PFKP: variants seen among roughly 807,000 people sequenced by gnomAD.
PFKP encodes phosphofructokinase, platelet.
PFKP carries 101 observed loss-of-function variants against 94.3 expected under a neutral mutation model. That is an observed-to-expected ratio of 1.07 (90% CI 0.91 to 1.26). PFKP has a LOEUF of 1.26. Among genes scored for constraint, PFKP ranks in the 50% most tolerant of loss-of-function variants. The pLI is 0.00. For synonymous variants in PFKP, 573 were observed against 432.6 expected, an observed-to-expected ratio of 1.32 and a Z score of -4.03; for missense variants, 1,145 against 1,103.3, an observed-to-expected ratio of 1.04 and a Z score of -0.53.
At chr10:3,102,250 C>CAGAAAAAA (rs1835089417) in intron 4 of PFKP, among the ~76,000 whole-genome samples, 1 of 54,776 alleles carries the variant, frequency 1.8e-5, no homozygotes, top group Non-Finnish European at 3.4e-5. Context: ...GACTCTGTCT[C>CAGAAAAAA]AAAAAAAAAA....
At chr10:3,090,454 C>T (rs953128155) in intron 2 of PFKP, among the ~76,000 whole-genome samples, 5 of 152,166 alleles carry the variant, frequency 3.3e-5, no homozygotes, top group African/African-American at 1.2e-4. Flanking sequence ...AGGGATGAGA[C>T]GCGCATGCCT....
intron 21 of PFKP, 123 bp from the exon 22 acceptor site, chr10:3,136,327 A>T: frequency 1.1e-6 from 1 of 884,424 alleles, no homozygotes; most frequent in Non-Finnish European, 1.8e-6. Context: ...TTTATCATCT[A>T]GTTGATTCAG....
chr10:3,094,033 C>T (rs906173281), intron 2 of PFKP, among the ~76,000 whole-genome samples: 8 of 152,222 alleles, frequency 5.3e-5, no homozygotes, highest in African/African-American at 1.9e-4. Flanking sequence ...CCACCATTTA[C>T]ACCATTGCCT....
intron 16 of PFKP, chr10:3,125,040 G>T: frequency 1.7e-6 from 2 of 1,154,760 alleles, no homozygotes; most frequent in East Asian, 8.4e-5. Flanking sequence ...CACAGGCCCT[G>T]GGGCTGGCAG....
chr10:3,116,840 C>G lies in PFKP; in HGVS notation c.1436C>G (p.Thr479Arg), dbSNP rs1836876587. 2.5e-6 allele frequency: 4 copies of G among 1,607,882 alleles called. No individual in the cohort carries two copies. The highest frequency in any genetic ancestry group is 2.6e-6 in the Non-Finnish European group (3 of 1,174,328). The change falls in exon 14 of 22, where the codon ACA becomes AGA. Residue 479 changes from threonine to arginine, a missense_variant. Thr to Arg is a moderately conservative substitution (Grantham distance 71, BLOSUM62 -1). Around this residue, in one of 3 missense-constraint regions of PFKP, gnomAD observed 1,119 missense variants for 1,062.8 expected, o/e 1.05. Coordinates refer to ENST00000381125, the MANE Select transcript of PFKP (RefSeq NM_002627.5). ...WTGQGGSILG[T>R]KRVLPGKYLE... ...GGCCAAGGAGGCTCCATTCTTGGGA[C>G]AAAACGGTAACTTCCAAATCTCAAC...
chr10:3,094,792 G>A (rs926148574), intron 2 of PFKP, among the ~76,000 whole-genome samples: 2 of 152,174 alleles, frequency 1.3e-5, no homozygotes, highest in Non-Finnish European at 2.9e-5. Flanking sequence ...TTCTAAAAGT[G>A]AAATGCTTTA....
intron 11 of PFKP, 56 bp downstream of exon 11, chr10:3,112,342 A>G (rs2306304): frequency 0.54 from 716,774 of 1,327,298 alleles, 195,734 homozygotes; most frequent in Non-Finnish European, 0.57. Context: ...CCTCAGGCCC[A>G]GCCACTGCAA....
At chr10:3,125,320 G>T in intron 16 of PFKP, 2 of 1,038,318 alleles carry the variant, frequency 1.9e-6, no homozygotes, top group Non-Finnish European at 2.5e-6. Context: ...TCTGTGCTAA[G>T]GATGAGCCGG....
At chr10:3,081,964 T>C (rs1207970742) in intron 1 of PFKP, among the ~76,000 whole-genome samples, 1 of 142,570 alleles carries the variant, frequency 7.0e-6, no homozygotes, top group Non-Finnish European at 1.5e-5. Context: ...TGTTTTCTGT[T>C]GAAGCCCATT....
chr10:3,084,524 C>T lies in PFKP; in HGVS notation c.186+2063C>T, dbSNP rs114147659. On this transcript the variant is annotated intron_variant, in intron 2 of 21. Transcript: ENST00000381125. Reference sequence around the variant, plus strand: ...ATTTATGCGATTTGGGCAATTTTAACGGAGGGTCTAGCTGTAGCATTCCCA... The same window carrying T: ...ATTTATGCGATTTGGGCAATTTTAATGGAGGGTCTAGCTGTAGCATTCCCA... Among the ~76,000 whole-genome samples the T allele has an allele frequency of 3.2e-3, 487 of 152,210 alleles. 3 individuals are homozygous for T. Among genetic ancestry groups the T allele is most frequent in the African/African-American group, 0.011 (458 of 41,502 alleles).
chr10:3,129,792 A>T, intron 16 of PFKP, 27 bp from the exon 17 acceptor site: 1 of 1,611,948 alleles, frequency 6.2e-7, no homozygotes, highest in Non-Finnish European at 8.5e-7. Context: ...CCTGGGCTGG[A>T]GTGACTGATC....
At chr10:3,080,516 CAA>C (rs869281524) in intron 1 of PFKP, among the ~76,000 whole-genome samples, 1,466 of 68,636 alleles carry the variant, frequency 0.021, 8 homozygotes, top group African/African-American at 0.046. Context: ...GACTCCGTCT[CAA>C]AAAAAAAAAA....
chr10:3,104,531 C>T (rs1213465324), intron 5 of PFKP, among the ~76,000 whole-genome samples: 5 of 152,252 alleles, frequency 3.3e-5, no homozygotes, highest in Admixed American at 3.3e-4. Flanking sequence ...AGCATGGCGC[C>T]TCCCAGTCCT....
chr10:3,071,425 CTGTTTTTTT>C (rs1588372666), intron 1 of PFKP, among the ~76,000 whole-genome samples: 1 of 99,812 alleles, frequency 1.0e-5, no homozygotes, highest in East Asian at 3.0e-4. Context: ...CTGTCTCAGG[CTGTTTTTTT>C]TTTTTTTTTT....
rs1795161988 is a variant in PFKP at position 3,118,817 on chromosome 10, C to T, written c.1478C>T (p.Thr493Ile). 4 of 1,613,716 alleles carry T rather than the reference C, an allele frequency of 2.5e-6. No homozygotes were observed. The highest frequency in any genetic ancestry group is 3.4e-6 in the Non-Finnish European group (4 of 1,179,846). ...LPGKYLEEIA[T>I]QMRTHSINAL... is the part of the protein sequence containing the mutation. ...GGGAAGTACTTGGAAGAGATCGCCA[C>T]ACAGATGCGCACGCACAGCATCAAC... The change falls in exon 15 of 22, where the codon ACA becomes ATA. Residue 493 changes from threonine to isoleucine, a missense_variant. Thr to Ile is a moderately conservative substitution (Grantham distance 89). Transcript: ENST00000381125.
chr10:3,132,893 A>G (rs1453881391), intron 18 of PFKP, among the ~76,000 whole-genome samples: 2 of 137,348 alleles, frequency 1.5e-5, no homozygotes, highest in Non-Finnish European at 3.2e-5. Flanking sequence ...CACAGGGATG[A>G]TTGACGTTCT....
chr10:3,123,995 G>T (rs1837677627), intron 16 of PFKP, among the ~76,000 whole-genome samples: 1 of 151,402 alleles, frequency 6.6e-6, no homozygotes, highest in South Asian at 2.1e-4. Flanking sequence ...TGGTCACCCA[G>T]CACTGACCCA....
intron 10 of PFKP, among the ~76,000 whole-genome samples, 191 bp from the exon 11 acceptor site, chr10:3,112,031 G>A (rs2131598276): frequency 6.6e-6 from 1 of 152,302 alleles, no homozygotes; most frequent in Admixed American, 6.5e-5. Flanking sequence ...GGGCCGTGTG[G>A]GGCTGGCTGC....
At position 3,109,424 on chromosome 10, in the gene PFKP, G is replaced by A. The variant is rs761802582; in HGVS notation, c.1033G>A (p.Val345Met). ...EATPDTPACV[V>M]SLNGNHAVRL... ...CACCCCGGACACCCCAGCTTGCGTC[G>A]TGTCACTGAACGGGAACCACGCCGT... Residue 345 changes from valine to methionine, a missense_variant, in exon 10 of 22, where the codon GTG (valine) becomes ATG (methionine). Transcript: ENST00000381125. The A allele has an allele frequency of 4.3e-6, 7 of 1,609,524 alleles. No homozygotes were observed. Among genetic ancestry groups the A allele is most frequent in the Admixed American group, 1.7e-5 (1 of 60,000 alleles).
Sources: allele counts gnomAD v4.1 joint callset (sites outside exome capture counted in the v4.1 genomes callset), GRCh38; gene constraint gnomAD v4.1.1; regional missense constraint gnomAD v4.1.1; transcripts MANE v1.5; gene names NCBI Gene and HGNC (gene_info 2026-07-23, HGNC 2026-07-21).